The following GPC5 variants were observed in gnomAD, a reference collection of about 807,000 sequenced individuals.
The protein encoded by GPC5 is glypican-5.
GPC5 carries 47 observed loss-of-function variants against 53.9 expected under a neutral mutation model. The ratio of observed to expected loss-of-function variants is 0.87; its 90% CI spans 0.69 to 1.11. The LOEUF (loss-of-function observed/expected upper bound fraction) is 1.11, where lower values mean the gene tolerates loss of function less well. Among genes scored for constraint, GPC5 ranks in the 50% most tolerant of loss-of-function variants. The probability of loss-of-function intolerance (pLI) is 0.00; values close to 1 mark genes in which losing one functional copy is unlikely to be tolerated. For missense variants in GPC5, 748 were observed against 713.1 expected (o/e 1.05, Z -0.56); for synonymous variants, 286 against 263.3 (o/e 1.09, Z -0.84).
At chr13:91,672,386 T>A (rs764434843) in intron 2 of GPC5, among the ~76,000 whole-genome samples, 9 of 152,108 alleles carry the variant, frequency 5.9e-5, no homozygotes, top group Non-Finnish European at 5.9e-5. Flanking sequence ...TTAAACAATG[T>A]TACAAGAAGA....
chr13:92,338,258 T>A (rs1198255999), intron 7 of GPC5, among the ~76,000 whole-genome samples: 3 of 152,052 alleles, frequency 2.0e-5, no homozygotes, highest in Admixed American at 1.3e-4. Context: ...TATATACGTA[T>A]TAGAATGGTC....
chr13:92,213,491 AATC>A (rs1362982927), intron 7 of GPC5, among the ~76,000 whole-genome samples: 1 of 128,348 alleles, frequency 7.8e-6, no homozygotes, highest in Non-Finnish European at 1.8e-5. Context: ...GCTTGACAAC[AATC>A]ATTATCTAGT....
intron 7 of GPC5, among the ~76,000 whole-genome samples, chr13:92,370,139 T>G (rs2043638497): frequency 6.6e-6 from 1 of 152,214 alleles, no homozygotes. Flanking sequence ...GGAAATATCT[T>G]GATGAAATGC....
chr13:91,501,240 G>GT (rs140865584), intron 2 of GPC5, among the ~76,000 whole-genome samples: 4,280 of 106,324 alleles, frequency 0.04, 125 homozygotes, highest in East Asian at 0.16. Flanking sequence ...TTAAGACTTT[G>GT]TTTTTTTTTT....
At chr13:91,439,842 C>A (rs1437819197) in intron 1 of GPC5, among the ~76,000 whole-genome samples, 2 of 152,112 alleles carry the variant, frequency 1.3e-5, no homozygotes, top group Non-Finnish European at 2.9e-5. Flanking sequence ...CACCGATTCT[C>A]AAAATAACCA....
At chr13:92,028,314 C>T (rs2040815989) in intron 6 of GPC5, among the ~76,000 whole-genome samples, 1 of 151,982 alleles carries the variant, frequency 6.6e-6, no homozygotes, top group African/African-American at 2.4e-5. Flanking sequence ...ACAGCAGGTC[C>T]AGCTGTTTAA....
At chr13:92,305,710 T>C (rs1483267983) in intron 7 of GPC5, among the ~76,000 whole-genome samples, 1 of 152,240 alleles carries the variant, frequency 6.6e-6, no homozygotes, top group African/African-American at 2.4e-5. Context: ...TAAGCACCTA[T>C]TGTGTTCAAG....
At chr13:91,986,585 A>T (rs1260805303) in intron 6 of GPC5, among the ~76,000 whole-genome samples, 1 of 152,190 alleles carries the variant, frequency 6.6e-6, no homozygotes, top group Admixed American at 6.5e-5. Context: ...CATGACTCCT[A>T]TAGTGAGCAC....
In GPC5 at chr13:92,770,211, C is replaced by T. The variant is rs1875558780; in HGVS notation, c.1562-96071C>T. Among the ~76,000 whole-genome samples, 2 of 151,996 alleles carry T rather than the reference C, an allele frequency of 1.3e-5. 1 individual carries two copies. The highest frequency in any genetic ancestry group is 4.8e-5 in the African/African-American group (2 of 41,378). ...GGAGAATTACTTGAGCCCATGAGTT[C>T]AAGACCAGCCTGGGCAATATAGGCA... On this transcript the variant is annotated intron_variant, in intron 7 of 7. Coordinates refer to ENST00000377067, the MANE Select transcript of GPC5 (RefSeq NM_004466.6).
chr13:92,025,333 T>C (rs2040792309), intron 6 of GPC5, among the ~76,000 whole-genome samples: 1 of 152,138 alleles, frequency 6.6e-6, no homozygotes, highest in Admixed American at 6.6e-5. Flanking sequence ...CTTCCACCCC[T>C]GATCTCTCCC....
intron 7 of GPC5, among the ~76,000 whole-genome samples, chr13:92,594,871 T>G (rs1215072082): frequency 6.6e-6 from 1 of 152,220 alleles, no homozygotes; most frequent in Non-Finnish European, 1.5e-5. Context: ...ACCCAGTACA[T>G]CTTATTATTT....
intron 7 of GPC5, among the ~76,000 whole-genome samples, chr13:92,416,347 GGCATGTTA>G (rs1876288586): frequency 6.6e-6 from 1 of 152,172 alleles, no homozygotes; most frequent in Admixed American, 6.5e-5. Context: ...GATTGGAAGA[GGCATGTTA>G]GCATGTTAGA....
At chr13:91,533,530 C>A (rs1886448854) in intron 2 of GPC5, among the ~76,000 whole-genome samples, 1 of 152,136 alleles carries the variant, frequency 6.6e-6, no homozygotes, top group African/African-American at 2.4e-5. Flanking sequence ...CCTTGTGGAA[C>A]AGACAGTGGC....
intron 7 of GPC5, among the ~76,000 whole-genome samples, chr13:92,612,688 A>AT (rs1884478591): frequency 6.6e-6 from 1 of 152,070 alleles, no homozygotes; most frequent in Non-Finnish European, 1.5e-5. Context: ...GGTAGTCAAA[A>AT]TGTGCATTCA....
At chr13:91,844,664 C>T (rs905383171) in intron 5 of GPC5, among the ~76,000 whole-genome samples, 1 of 152,096 alleles carries the variant, frequency 6.6e-6, no homozygotes, top group African/African-American at 2.4e-5. Context: ...GAAATTTAAC[C>T]ATCACCTCTA....
At chr13:91,600,877 C>T (rs903928837) in intron 2 of GPC5, among the ~76,000 whole-genome samples, 1 of 151,940 alleles carries the variant, frequency 6.6e-6, no homozygotes, top group African/African-American at 2.4e-5. Context: ...TTTGGCAAAC[C>T]CTCCTCTTTC....
chr13:92,327,516 G>A (rs772991377), intron 7 of GPC5, among the ~76,000 whole-genome samples: 8 of 152,136 alleles, frequency 5.3e-5, no homozygotes, highest in African/African-American at 7.2e-5. Flanking sequence ...TAGGTCAGAA[G>A]GACAAGTTCA....
chr13:92,700,430 G>T (rs1887695557), intron 7 of GPC5, among the ~76,000 whole-genome samples: 1 of 151,918 alleles, frequency 6.6e-6, no homozygotes, highest in African/African-American at 2.4e-5. Context: ...GGGGCAATTA[G>T]CCCATTTACA....
chr13:92,475,606 G>A (rs947315509), intron 7 of GPC5, among the ~76,000 whole-genome samples: 2 of 152,010 alleles, frequency 1.3e-5, no homozygotes, highest in African/African-American at 2.4e-5. Flanking sequence ...ATTTTGGGCT[G>A]AGACAAAGCA....
Sources: allele counts gnomAD v4.1 joint callset (sites outside exome capture counted in the v4.1 genomes callset), GRCh38; gene constraint gnomAD v4.1.1; transcripts MANE v1.5; gene names NCBI Gene and HGNC (gene_info 2026-07-23, HGNC 2026-07-21).